FAM135B: variants seen among roughly 807,000 people sequenced by gnomAD.
The protein encoded by FAM135B is protein FAM135B.
In FAM135B, 43 loss-of-function variants were observed where a neutral mutation model predicts 127.7. That is an observed-to-expected ratio of 0.34 (90% CI 0.26 to 0.43). The LOEUF (loss-of-function observed/expected upper bound fraction) is 0.43. Ranked by LOEUF, FAM135B falls within the 20% of genes least tolerant of loss-of-function variation. FAM135B has a pLI of 1.00. For synonymous variants in FAM135B, 670 were observed against 665.1 expected, an observed-to-expected ratio of 1.01 and a Z score of -0.11; for missense variants, 1,558 against 1,725.6, an observed-to-expected ratio of 0.90 and a Z score of 1.72.
At chr8:138,491,572 T>C (rs370190325) in intron 1 of FAM135B, among the ~76,000 whole-genome samples, 5 of 152,220 alleles carry the variant, frequency 3.3e-5, no homozygotes, top group African/African-American at 1.2e-4. Context: ...GGGACCAGCA[T>C]CTACTCTGGC....
chr8:138,479,542 G>A (rs1184528921), intron 1 of FAM135B, among the ~76,000 whole-genome samples: 4 of 152,084 alleles, frequency 2.6e-5, no homozygotes, highest in East Asian at 1.9e-4. Context: ...AATTATAAAC[G>A]TTTTAGGAGC....
intron 7 of FAM135B, among the ~76,000 whole-genome samples, chr8:138,228,866 T>C (rs1819682589): frequency 6.6e-6 from 1 of 152,216 alleles, no homozygotes; most frequent in Non-Finnish European, 1.5e-5. Flanking sequence ...GCATCTGTTC[T>C]TCCTGGGCCA....
chr8:138,209,043 A>G (rs559783024), intron 7 of FAM135B, among the ~76,000 whole-genome samples: 2 of 152,300 alleles, frequency 1.3e-5, no homozygotes, highest in Admixed American at 1.3e-4. Context: ...TATTAGAAGC[A>G]TTGTGGTTGG....
intron 11 of FAM135B, among the ~76,000 whole-genome samples, chr8:138,176,690 T>A (rs973436489): frequency 6.6e-6 from 1 of 152,236 alleles, no homozygotes; most frequent in Admixed American, 6.5e-5. Flanking sequence ...ATTTTTGCTA[T>A]GGCATCTCAA....
chr8:138,206,345 AACTC>A (rs1817595419), intron 7 of FAM135B, among the ~76,000 whole-genome samples: 6 of 141,578 alleles, frequency 4.2e-5, no homozygotes, highest in Admixed American at 7.1e-5. Context: ...ACCTACCCAC[AACTC>A]CAGCATCCCC....
At chr8:138,309,394 G>A (rs1030934355) in intron 3 of FAM135B, among the ~76,000 whole-genome samples, 1 of 152,206 alleles carries the variant, frequency 6.6e-6, no homozygotes, top group Middle Eastern at 3.2e-3. Context: ...GAGGGAAAGA[G>A]GAGGAACACC....
intron 9 of FAM135B, among the ~76,000 whole-genome samples, chr8:138,189,119 G>T (rs1815872701): frequency 6.6e-6 from 1 of 152,202 alleles, no homozygotes; most frequent in Admixed American, 6.5e-5. Flanking sequence ...GAGAGGAGAA[G>T]AGGAGAAGCA....
chr8:138,481,131 G>A (rs930468947), intron 1 of FAM135B, among the ~76,000 whole-genome samples: 2 of 152,178 alleles, frequency 1.3e-5, no homozygotes, highest in African/African-American at 2.4e-5. Context: ...AACAGCATCC[G>A]CAGCACACAG....
intron 1 of FAM135B, among the ~76,000 whole-genome samples, chr8:138,467,529 C>G (rs746961267): frequency 6.6e-6 from 1 of 152,186 alleles, no homozygotes; most frequent in Non-Finnish European, 1.5e-5. Context: ...CAGAAAGTTC[C>G]ATTGGACAGT....
At chr8:138,325,253 C>T (rs1053656372) in intron 2 of FAM135B, among the ~76,000 whole-genome samples, 2 of 152,076 alleles carry the variant, frequency 1.3e-5, no homozygotes, top group African/African-American at 4.8e-5. Flanking sequence ...CCGCAGAAGC[C>T]CAAAAATAGT....
At chr8:138,196,583 A>T (rs1390452097) in intron 8 of FAM135B, among the ~76,000 whole-genome samples, 3 of 152,218 alleles carry the variant, frequency 2.0e-5, no homozygotes, top group African/African-American at 7.2e-5. Context: ...ACAATGAACA[A>T]GGCCATTGAC....
At chr8:138,300,647 T>G (rs1825815498) in intron 3 of FAM135B, among the ~76,000 whole-genome samples, 1 of 152,114 alleles carries the variant, frequency 6.6e-6, no homozygotes, top group South Asian at 2.1e-4. Flanking sequence ...TAGCTACAAT[T>G]TTAGAATTCC....
chr8:138,371,611 C>T (rs1221263901), intron 1 of FAM135B, among the ~76,000 whole-genome samples: 1 of 152,038 alleles, frequency 6.6e-6, no homozygotes, highest in African/African-American at 2.4e-5. Flanking sequence ...TCTCCATCTC[C>T]AGCACATCAG....
chr8:138,153,097 G>C lies in FAM135B; in HGVS notation c.1378C>G (p.Leu460Val), dbSNP rs1818337551. ...VNSNLSFREDLVLSTIKPSQM... is the reference protein window; with the variant it reads ...VNSNLSFREDVVLSTIKPSQM... ...GATGGTTTTATGGTAGACAAGACAA[G>C]GTCTTCCCTAAAAGATAAATTGCTA... The change falls in exon 13 of 20, where the codon CTT (leucine) becomes GTT (valine). Residue 460 changes from leucine to valine, a missense_variant. Transcript: ENST00000395297. The C allele has an allele frequency of 1.9e-6, 3 of 1,613,832 alleles. No individual in the cohort carries two copies. The highest frequency in any genetic ancestry group is 1.3e-5 in the African/African-American group (1 of 74,896).
At chr8:138,494,645 T>G (rs1815317506) in intron 1 of FAM135B, among the ~76,000 whole-genome samples, 1 of 152,140 alleles carries the variant, frequency 6.6e-6, no homozygotes. Flanking sequence ...CTTCCAGAAA[T>G]TATAATTCCT....
At chr8:138,353,697 G>T (rs1829915212) in intron 2 of FAM135B, among the ~76,000 whole-genome samples, 2 of 152,156 alleles carry the variant, frequency 1.3e-5, no homozygotes, top group South Asian at 4.1e-4. Flanking sequence ...ACTTATCTGT[G>T]AAATAATACC....
intron 1 of FAM135B, among the ~76,000 whole-genome samples, chr8:138,401,177 C>T (rs1323876197): frequency 1.3e-5 from 2 of 152,170 alleles, no homozygotes; most frequent in African/African-American, 4.8e-5. Flanking sequence ...GATTGCAGGA[C>T]TTCTCAGAGC....
intron 12 of FAM135B, among the ~76,000 whole-genome samples, chr8:138,166,281 C>T (rs1819911825): frequency 6.6e-6 from 1 of 152,186 alleles, no homozygotes; most frequent in South Asian, 2.1e-4. Flanking sequence ...TGTTGGGTTT[C>T]CAGGAGCAGG....
At chr8:138,364,192 C>T (rs1030800961) in intron 2 of FAM135B, among the ~76,000 whole-genome samples, 7 of 152,148 alleles carry the variant, frequency 4.6e-5, no homozygotes, top group Admixed American at 2.0e-4. Context: ...TTAAGCATAG[C>T]TCCTGTGGGA....
Sources: allele counts gnomAD v4.1 joint callset (sites outside exome capture counted in the v4.1 genomes callset), GRCh38; gene constraint gnomAD v4.1.1; transcripts MANE v1.5; gene names NCBI Gene and HGNC (gene_info 2026-07-23, HGNC 2026-07-21).